IL1RAPL1: variants seen among roughly 807,000 people sequenced by gnomAD.
IL1RAPL1 encodes the protein interleukin-1 receptor accessory protein-like 1.
Under a neutral mutation model 48.4 loss-of-function variants are expected in IL1RAPL1, and 3 were observed. That is an observed-to-expected ratio of 0.06 (90% confidence interval 0.03 to 0.16). The LOEUF is 0.16. Ranked by LOEUF, IL1RAPL1 falls within the 10% of genes least tolerant of loss-of-function variation. The pLI, the probability that IL1RAPL1 is intolerant of heterozygous loss-of-function variation, is 1.00. For synonymous variants in IL1RAPL1, 185 were observed against 187.7 expected, an observed-to-expected ratio of 0.99 and a Z score of 0.12; for missense variants, 349 against 530.6, an observed-to-expected ratio of 0.66 and a Z score of 3.36.
chrX:29,635,482 A>C (rs1924937711), intron 5 of IL1RAPL1, among the ~76,000 whole-genome samples: 1 of 111,912 alleles, frequency 8.9e-6, no homozygotes, highest in Non-Finnish European at 1.9e-5. Flanking sequence ...AATCTGAAAG[A>C]TCAGATAGAT....
intron 2 of IL1RAPL1, among the ~76,000 whole-genome samples, chrX:29,024,734 C>T (rs1282277706): frequency 9.0e-6 from 1 of 111,392 alleles, no homozygotes; most frequent in Non-Finnish European, 1.9e-5. Context: ...ATCTATTATC[C>T]AGTCTTGTCC....
Position 29,425,971 on chromosome X carries a change from A to T in IL1RAPL1, c.703+26663A>T, listed in dbSNP as rs746617998. Among the ~76,000 whole-genome samples, 6 of 111,331 alleles carry T rather than the reference A, an allele frequency of 5.4e-5. No individual in the cohort carries two copies. The East Asian group carries it at 1.7e-3, about 32-fold the overall frequency. ...GTTGAGGACAGTTGCTGAATCCAAC[A>T]CACATTCAACTCTCCTTCCCTTTTC... On this transcript the variant is annotated intron_variant, in intron 5 of 10. Transcript: ENST00000378993.
chrX:29,842,603 T>C (rs1175307431), intron 6 of IL1RAPL1, among the ~76,000 whole-genome samples: 1 of 112,401 alleles, frequency 8.9e-6, no homozygotes, highest in Non-Finnish European at 1.9e-5. Flanking sequence ...ATTTGGCCTC[T>C]GTTGTGTACT....
chrX:29,238,867 G>A (rs1163974313), intron 2 of IL1RAPL1, among the ~76,000 whole-genome samples: 3 of 111,944 alleles, frequency 2.7e-5, no homozygotes. Context: ...AGGCCGATGT[G>A]GCTGTCTTTA....
chrX:28,594,764 T>A (rs924357913), intron 1 of IL1RAPL1, among the ~76,000 whole-genome samples: 2 of 112,424 alleles, frequency 1.8e-5, no homozygotes, highest in Non-Finnish European at 3.8e-5. Flanking sequence ...TCGTCTGACT[T>A]CTGCACTCAG....
At chrX:29,635,793 C>G (rs187334351) in intron 5 of IL1RAPL1, among the ~76,000 whole-genome samples, 3 of 102,403 alleles carry the variant, frequency 2.9e-5, no homozygotes, top group Admixed American at 1.1e-4. Flanking sequence ...TGGATGCTTC[C>G]GGAAAAAAAA....
rs746517008 is a variant in IL1RAPL1, at chrX:29,284,469, A to G, written c.362+1252A>G. Among the ~76,000 whole-genome samples the G allele has an allele frequency of 2.3e-3, 257 of 112,737 alleles. 2 individuals carry two copies. The highest frequency in any genetic ancestry group is 7.5e-3 in the African/African-American group (233 of 31,079). ...AAAGAACAAATGCATCTGGCCGGGC[A>G]TGGTGGCTCACGCCTGTAATCCCAG... On this transcript the variant is annotated intron_variant, in intron 3 of 10. Transcript: ENST00000378993.
chrX:29,792,164 C>T (rs1929651868), intron 6 of IL1RAPL1, among the ~76,000 whole-genome samples: 1 of 111,635 alleles, frequency 9.0e-6, no homozygotes, highest in Non-Finnish European at 1.9e-5. Flanking sequence ...CATTTCCTCC[C>T]AGTAAACTTA....
intron 3 of IL1RAPL1, among the ~76,000 whole-genome samples, chrX:29,387,273 T>A (rs1395133908): frequency 1.8e-5 from 2 of 112,330 alleles, no homozygotes; most frequent in Non-Finnish European, 3.8e-5. Flanking sequence ...CTTTTATAGA[T>A]GAAGAATATC....
intron 2 of IL1RAPL1, among the ~76,000 whole-genome samples, chrX:28,930,458 A>C (rs939325107): frequency 9.0e-6 from 1 of 111,464 alleles, no homozygotes; most frequent in Non-Finnish European, 1.9e-5. Context: ...CACTTTATAG[A>C]TTCATTACAT....
intron 2 of IL1RAPL1, among the ~76,000 whole-genome samples, chrX:29,257,228 C>T (rs1413228249): frequency 9.0e-6 from 1 of 111,170 alleles, no homozygotes; most frequent in Non-Finnish European, 1.9e-5. Context: ...GCAATCTATC[C>T]GGTTATAATG....
At chrX:28,662,942 C>A (rs1025018897) in intron 1 of IL1RAPL1, among the ~76,000 whole-genome samples, 1 of 111,233 alleles carries the variant, frequency 9.0e-6, no homozygotes, top group Non-Finnish European at 1.9e-5. Flanking sequence ...AATGTGGCAG[C>A]GTCACAATTT....
rs1340922139 is a variant in IL1RAPL1 at position 29,196,869 on chromosome X, C to T, written c.83-86069C>T. ...CTATACTATATAATATAATACTATACTATTATATTAATATAATGGGAAGCA... is the reference window on the plus strand; with the variant it reads ...CTATACTATATAATATAATACTATATTATTATATTAATATAATGGGAAGCA... On this transcript the variant is annotated intron_variant, in intron 2 of 10. Coordinates refer to ENST00000378993, the MANE Select transcript of IL1RAPL1 (RefSeq NM_014271.4). Among the ~76,000 whole-genome samples, 3 of 110,224 alleles carry T rather than the reference C, an allele frequency of 2.7e-5. No individual in the cohort carries two copies. In the East Asian group the frequency reaches 8.5e-4, roughly 31 times the overall value.
Position 29,864,336 on chromosome X carries a change from A to G in IL1RAPL1, c.779-53128A>G, listed in dbSNP as rs149355275. 9.8e-3 allele frequency among the ~76,000 whole-genome samples: 1,094 copies of G among 112,041 alleles called. 11 individuals are homozygous for G. Among genetic ancestry groups the G allele is most frequent in the African/African-American group, 0.032 (998 of 30,822 alleles). On this transcript the variant is annotated intron_variant, in intron 6 of 10. Transcript: ENST00000378993. ...CTTTGAATGTTAATATGCTTTGGAA[A>G]TCTCCAAGAAGGATAGACTGCATTG...
chrX:29,819,709 A>C (rs903840070), intron 6 of IL1RAPL1, among the ~76,000 whole-genome samples: 3 of 109,874 alleles, frequency 2.7e-5, no homozygotes, highest in Admixed American at 1.0e-4. Flanking sequence ...ATTATAATTA[A>C]GACTCAAGAA....
intron 1 of IL1RAPL1, among the ~76,000 whole-genome samples, chrX:28,740,420 A>G (rs1017297446): frequency 1.8e-5 from 2 of 112,152 alleles, no homozygotes; most frequent in Non-Finnish European, 3.8e-5. Flanking sequence ...TTTATAAATC[A>G]TTAATATCTC....
chrX:29,791,954 A>G (rs1271944443), intron 6 of IL1RAPL1, among the ~76,000 whole-genome samples: 1 of 96,405 alleles, frequency 1.0e-5, no homozygotes, highest in African/African-American at 3.9e-5. Context: ...CTTGTCTTGA[A>G]CTCCTGGCTC....
chrX:29,781,624 T>C (rs935039055), intron 6 of IL1RAPL1, among the ~76,000 whole-genome samples: 16 of 111,946 alleles, frequency 1.4e-4, no homozygotes, highest in African/African-American at 4.5e-4. Flanking sequence ...TCTTGCAGAG[T>C]GACTCAGAAC....
intron 5 of IL1RAPL1, among the ~76,000 whole-genome samples, chrX:29,555,784 A>G (rs922651806): frequency 8.9e-6 from 1 of 112,239 alleles, no homozygotes; most frequent in Non-Finnish European, 1.9e-5. Context: ...TCAATGATCC[A>G]TATTATGCAT....
Sources: gnomAD v4.1 joint callset for allele counts (sites outside exome capture counted in the v4.1 genomes callset) on GRCh38, gnomAD v4.1.1 for gene constraint, MANE v1.5 for transcripts, NCBI Gene and HGNC (gene_info 2026-07-23, HGNC 2026-07-21) for gene names.